The following ANKRD44 variants were observed in gnomAD, a reference collection of about 807,000 sequenced individuals.
ANKRD44 encodes ankyrin repeat domain 44, also known as serine/threonine-protein phosphatase 6 regulatory ankyrin repeat subunit B.
A neutral mutation model predicts 116.0 loss-of-function variants in ANKRD44; 35 were observed. The observed-to-expected ratio is 0.30, with a 90% CI of 0.23 to 0.40. The LOEUF (loss-of-function observed/expected upper bound fraction) is 0.40. ANKRD44 is among the 10% of genes least tolerant of loss of function. ANKRD44 has a pLI of 1.00. For synonymous variants in ANKRD44, 435 were observed against 461.8 expected (o/e 0.94, Z 0.74); for missense variants, 1,014 against 1,242.6 (o/e 0.82, Z 2.77).
chr2:197,107,868 C>T (rs1189328763), intron 9 of ANKRD44, among the ~76,000 whole-genome samples: 1 of 152,164 alleles, frequency 6.6e-6, no homozygotes, highest in African/African-American at 2.4e-5. Context: ...AGCCAACAAA[C>T]AGGAGGTAAA....
chr2:197,292,699 T>G (rs1034397699), intron 1 of ANKRD44, among the ~76,000 whole-genome samples: 2 of 152,330 alleles, frequency 1.3e-5, no homozygotes, highest in African/African-American at 4.8e-5. Flanking sequence ...TGCCATGAGC[T>G]ACTTGTAAGC....
At chr2:197,286,997 C>T (rs1202094812) in intron 1 of ANKRD44, among the ~76,000 whole-genome samples, 3 of 152,106 alleles carry the variant, frequency 2.0e-5, no homozygotes, top group Non-Finnish European at 4.4e-5. Flanking sequence ...GAAACTACTC[C>T]GTATGGCCCT....
intron 21 of ANKRD44, among the ~76,000 whole-genome samples, chr2:196,973,212 T>C (rs1215505631): frequency 6.6e-6 from 1 of 152,216 alleles, no homozygotes; most frequent in Non-Finnish European, 1.5e-5. Context: ...TTATAAAATA[T>C]ACTTTTTGAA....
intron 9 of ANKRD44, among the ~76,000 whole-genome samples, chr2:197,100,986 T>A (rs1378271280): frequency 6.6e-6 from 1 of 152,214 alleles, no homozygotes; most frequent in Non-Finnish European, 1.5e-5. Context: ...CCGCTAAGTA[T>A]GTTTTTCCTA....
At chr2:197,306,940 C>T (rs920959091) in intron 1 of ANKRD44, among the ~76,000 whole-genome samples, 18 of 152,156 alleles carry the variant, frequency 1.2e-4, no homozygotes, top group African/African-American at 4.3e-4. Context: ...CCATCATTAA[C>T]AAATGCAGGT....
chr2:197,089,514 T>C (rs1425786631), intron 11 of ANKRD44, among the ~76,000 whole-genome samples: 1 of 152,246 alleles, frequency 6.6e-6, no homozygotes, highest in Non-Finnish European at 1.5e-5. Flanking sequence ...TAGTGATTTT[T>C]CAGTGCCCAG....
intron 1 of ANKRD44, among the ~76,000 whole-genome samples, chr2:197,209,893 T>TA (rs1231624078): frequency 1.3e-5 from 2 of 152,160 alleles, no homozygotes; most frequent in Non-Finnish European, 2.9e-5. Context: ...GGAGTGAAGA[T>TA]ATGACTGCGG....
intron 16 of ANKRD44, among the ~76,000 whole-genome samples, chr2:197,030,588 T>C (rs917957438): frequency 2.6e-5 from 4 of 152,160 alleles, no homozygotes; most frequent in Non-Finnish European, 4.4e-5. Context: ...TCTGATTCCT[T>C]ATCTTCCTGA....
intron 1 of ANKRD44, chr2:197,302,257 G>GC (rs1010731058): frequency 2.6e-5 from 4 of 152,630 alleles, no homozygotes; most frequent in Non-Finnish European, 4.4e-5. Context: ...AAGTTTTTGA[G>GC]CAGGAGTGAC....
chr2:197,171,022 C>G (rs1320287472), intron 2 of ANKRD44, among the ~76,000 whole-genome samples: 1 of 152,158 alleles, frequency 6.6e-6, no homozygotes, highest in Non-Finnish European at 1.5e-5. Context: ...AATATTCATG[C>G]CAAGCATCCA....
intron 1 of ANKRD44, among the ~76,000 whole-genome samples, chr2:197,211,540 G>A (rs2081324016): frequency 6.6e-6 from 1 of 152,134 alleles, no homozygotes; most frequent in Non-Finnish European, 1.5e-5. Context: ...TTACAGTCTA[G>A]TGCTGCCTTA....
intron 1 of ANKRD44, among the ~76,000 whole-genome samples, chr2:197,275,852 G>C (rs2083066472): frequency 6.6e-6 from 1 of 152,136 alleles, no homozygotes. Context: ...GGGGGAAAGA[G>C]TTTATATAAT....
intron 16 of ANKRD44, chr2:197,078,455 G>A (rs897419421): frequency 1.4e-5 from 15 of 1,048,684 alleles, no homozygotes; most frequent in East Asian, 4.2e-5. Context: ...GCCTTATATC[G>A]ATGACTACCA....
intron 16 of ANKRD44, among the ~76,000 whole-genome samples, chr2:197,027,329 T>A (rs2076614878): frequency 6.6e-6 from 1 of 152,090 alleles, no homozygotes; most frequent in African/African-American, 2.4e-5. Context: ...ACCACTGCAT[T>A]CCAGCCTGGG....
intron 13 of ANKRD44, among the ~76,000 whole-genome samples, chr2:197,083,724 T>C (rs2077853349): frequency 6.6e-6 from 1 of 152,200 alleles, no homozygotes; most frequent in Non-Finnish European, 1.5e-5. Flanking sequence ...TTGAGCATCT[T>C]TTATTCAAAA....
In ANKRD44 at chr2:197,010,318, G is replaced by A. The variant is rs997935362; in HGVS notation, c.1925-1287C>T. On this transcript the variant is annotated intron_variant, in intron 18 of 27. Transcript: ENST00000282272. ...GCCCCACGGTCACCGAGCCACAGGCGGCGCTTTCTCTGACTTCCCAGGCAT... is the reference window on the plus strand; with the variant it reads ...GCCCCACGGTCACCGAGCCACAGGCAGCGCTTTCTCTGACTTCCCAGGCAT... Among the ~76,000 whole-genome samples, 4 of 152,000 alleles carry A rather than the reference G, an allele frequency of 2.6e-5. No homozygotes were observed. The South Asian group carries it at 6.2e-4, about 24-fold the overall frequency.
In ANKRD44 at chr2:196,987,577, C is replaced by T. The variant is rs2075852177; in HGVS notation, c.*2014G>A. 2.0e-6 allele frequency: 2 copies of T among 985,202 alleles called. No individual in the cohort carries two copies. Among genetic ancestry groups the T allele is most frequent in the Admixed American group, 6.2e-5 (1 of 16,258 alleles). 61.0% of individuals were successfully genotyped at this position (985,202 alleles called of 1,614,324 possible). A position where few individuals can be genotyped will look rare whatever the true frequency, so the allele number is the denominator to read the frequency against. On this transcript the variant is annotated 3_prime_UTR_variant, in exon 28 of 28. Transcript: ENST00000282272. Reference sequence around the variant, plus strand: ...TCTAATTTAATAACAAAATGATAAACCAAGCAGTGTTTACTGCCTAAAGTA... The same window carrying T: ...TCTAATTTAATAACAAAATGATAAATCAAGCAGTGTTTACTGCCTAAAGTA...
chr2:197,033,798 G>A (rs1028004160), intron 16 of ANKRD44, among the ~76,000 whole-genome samples: 4 of 151,790 alleles, frequency 2.6e-5, no homozygotes, highest in African/African-American at 9.7e-5. Flanking sequence ...TGGAGATGTT[G>A]ACTGGAATCT....
At chr2:197,209,078 T>C (rs1343022211) in intron 1 of ANKRD44, among the ~76,000 whole-genome samples, 1 of 152,206 alleles carries the variant, frequency 6.6e-6, no homozygotes, top group African/African-American at 2.4e-5. Flanking sequence ...GATTCATGAA[T>C]GCAATTCATT....
Sources: allele counts gnomAD v4.1 joint callset (sites outside exome capture counted in the v4.1 genomes callset), GRCh38; gene constraint gnomAD v4.1.1; transcripts MANE v1.5; gene names NCBI Gene and HGNC (gene_info 2026-07-23, HGNC 2026-07-21).